The following NRG3 variants were observed in gnomAD, a reference collection of about 807,000 sequenced individuals.
The protein encoded by NRG3 is neuregulin 3.
A neutral mutation model predicts 66.9 loss-of-function variants in NRG3; 31 were observed. The observed-to-expected ratio is 0.46, with a 90% CI of 0.35 to 0.63. NRG3 has a LOEUF of 0.63. Among genes scored for constraint, NRG3 ranks in the 20% least tolerant of loss-of-function variants. The pLI, the probability that NRG3 is intolerant of heterozygous loss-of-function variation, is 0.00. For synonymous variants in NRG3, 393 were observed against 359.4 expected (o/e 1.09, Z -1.06); for missense variants, 910 against 878.9 (o/e 1.04, Z -0.45).
intron 1 of NRG3, among the ~76,000 whole-genome samples, chr10:82,233,287 C>T (rs1404135897): frequency 6.6e-6 from 1 of 152,132 alleles, no homozygotes; most frequent in Non-Finnish European, 1.5e-5. Flanking sequence ...ATGGTGTGTA[C>T]CCGGGAGGCG....
chr10:82,232,506 G>T (rs182839989), intron 1 of NRG3: 22 of 469,716 alleles, frequency 4.7e-5, no homozygotes, highest in African/African-American at 4.1e-4. Flanking sequence ...CTCCTAACAG[G>T]TGCTCCTCAA....
intron 3 of NRG3, among the ~76,000 whole-genome samples, chr10:82,742,484 T>A (rs2058467226): frequency 1.3e-5 from 2 of 152,096 alleles, no homozygotes; most frequent in Non-Finnish European, 2.9e-5. Flanking sequence ...TGACAGTTTT[T>A]GTAAATATAT....
intron 1 of NRG3, among the ~76,000 whole-genome samples, chr10:82,347,481 T>A (rs1218002677): frequency 6.6e-6 from 1 of 151,802 alleles, no homozygotes; most frequent in Non-Finnish European, 1.5e-5. Context: ...AGAGCTTTAC[T>A]TCCAACTATG....
At chr10:82,064,856 A>C (rs1271111136) in intron 1 of NRG3, among the ~76,000 whole-genome samples, 2 of 152,196 alleles carry the variant, frequency 1.3e-5, no homozygotes, top group Admixed American at 6.5e-5. Context: ...TTTTTAATGG[A>C]AGAAGAATTA....
intron 3 of NRG3, among the ~76,000 whole-genome samples, chr10:82,756,896 G>A (rs1382984288): frequency 6.6e-6 from 1 of 151,070 alleles, no homozygotes; most frequent in Non-Finnish European, 1.5e-5. Context: ...TAATACAAAA[G>A]CACTTGTAAG....
intron 3 of NRG3, among the ~76,000 whole-genome samples, chr10:82,792,676 TTTTA>T (rs975568055): frequency 2.0e-5 from 3 of 151,938 alleles, no homozygotes; most frequent in Admixed American, 1.3e-4. Flanking sequence ...AATTGAGGGT[TTTTA>T]TTTATTTATT....
At chr10:82,219,544 A>G (rs772522251) in intron 1 of NRG3, among the ~76,000 whole-genome samples, 8 of 151,994 alleles carry the variant, frequency 5.3e-5, no homozygotes, top group Non-Finnish European at 1.0e-4. Context: ...GGCCCTCAAT[A>G]TATATTTGTT....
intron 3 of NRG3, among the ~76,000 whole-genome samples, chr10:82,853,400 A>G (rs531287312): frequency 3.2e-4 from 48 of 152,326 alleles, no homozygotes; most frequent in Admixed American, 1.2e-3. Flanking sequence ...TCATTTTCAC[A>G]ATATTGATTC....
intron 3 of NRG3, among the ~76,000 whole-genome samples, chr10:82,787,494 C>T (rs990726312): frequency 6.6e-6 from 1 of 152,048 alleles, no homozygotes; most frequent in African/African-American, 2.4e-5. Flanking sequence ...AGAAATTTTC[C>T]AGGTCTTAGT....
intron 2 of NRG3, among the ~76,000 whole-genome samples, chr10:82,727,904 A>C (rs2134602600): frequency 6.6e-6 from 1 of 152,260 alleles, no homozygotes; most frequent in South Asian, 2.1e-4. Context: ...ATTGTGACCC[A>C]GATGAGAGAC....
intron 3 of NRG3, among the ~76,000 whole-genome samples, chr10:82,795,340 T>C (rs879579297): frequency 6.6e-6 from 1 of 152,228 alleles, no homozygotes; most frequent in Non-Finnish European, 1.5e-5. Context: ...TGTGTATGTG[T>C]GCACATTCAT....
At chr10:82,674,757 C>T (rs1489226282) in intron 2 of NRG3, among the ~76,000 whole-genome samples, 1 of 151,174 alleles carries the variant, frequency 6.6e-6, no homozygotes, top group Non-Finnish European at 1.5e-5. Context: ...TTGTTCCCCA[C>T]CCCCACCTGC....
At chr10:82,307,035 A>C (rs1159862002) in intron 1 of NRG3, among the ~76,000 whole-genome samples, 1 of 151,870 alleles carries the variant, frequency 6.6e-6, no homozygotes, top group African/African-American at 2.4e-5. Context: ...TTAGTCATTA[A>C]TTTCTTATTT....
At chr10:82,027,419 C>A (rs1408755816) in intron 1 of NRG3, among the ~76,000 whole-genome samples, 1 of 151,876 alleles carries the variant, frequency 6.6e-6, no homozygotes, top group Non-Finnish European at 1.5e-5. Flanking sequence ...GAGTTTTTTT[C>A]TTCTCCAGGG....
chr10:82,319,151 C>G (rs974447267), intron 1 of NRG3, among the ~76,000 whole-genome samples: 4 of 152,222 alleles, frequency 2.6e-5, no homozygotes, highest in Admixed American at 2.6e-4. Context: ...TGCAAAATTG[C>G]AGCATCTGAA....
chr10:82,288,052 G>A (rs1394420009), intron 1 of NRG3, among the ~76,000 whole-genome samples: 1 of 152,168 alleles, frequency 6.6e-6, no homozygotes, highest in African/African-American at 2.4e-5. Flanking sequence ...TGATTATAAG[G>A]GGAGCCCCGA....
At chr10:82,497,673 T>C (rs566887303) in intron 2 of NRG3, among the ~76,000 whole-genome samples, 2 of 152,258 alleles carry the variant, frequency 1.3e-5, no homozygotes, top group South Asian at 2.1e-4. Flanking sequence ...TTTCCATATC[T>C]TGGTTATTGT....
At chr10:82,759,390 C>A (rs1484044824) in intron 3 of NRG3, among the ~76,000 whole-genome samples, 1 of 151,980 alleles carries the variant, frequency 6.6e-6, no homozygotes, top group Non-Finnish European at 1.5e-5. Flanking sequence ...TTTCCAGTCA[C>A]CAGAATTGTT....
intron 2 of NRG3, among the ~76,000 whole-genome samples, chr10:82,402,727 C>G (rs1306262761): frequency 6.6e-6 from 1 of 152,014 alleles, no homozygotes; most frequent in African/African-American, 2.4e-5. Flanking sequence ...ATTTGGCATT[C>G]AGAATTAGAT....
Sources: gnomAD v4.1 joint callset for allele counts (sites outside exome capture counted in the v4.1 genomes callset) on GRCh38, gnomAD v4.1.1 for gene constraint, MANE v1.5 for transcripts, NCBI Gene and HGNC (gene_info 2026-07-23, HGNC 2026-07-21) for gene names.